The following GUCY1A2 variants were observed in gnomAD, a reference collection of about 807,000 sequenced individuals.
GUCY1A2 encodes guanylate cyclase soluble subunit alpha-2.
In GUCY1A2, 27 loss-of-function variants were observed where a neutral mutation model predicts 63.5. The ratio of observed to expected loss-of-function variants is 0.43; its 90% CI spans 0.31 to 0.59. The LOEUF is 0.59. GUCY1A2 is among the 20% of genes least tolerant of loss of function. The pLI, the probability that GUCY1A2 is intolerant of heterozygous loss-of-function variation, is 0.11. For synonymous variants in GUCY1A2, 364 were observed against 343.5 expected (o/e 1.06, Z -0.66); for missense variants, 768 against 913.3 (o/e 0.84, Z 2.05).
rs550219372 is a variant in GUCY1A2, at chr11:106,792,011, AG to A, written c.1693-15430del. Among the ~76,000 whole-genome samples the A allele has an allele frequency of 3.3e-5, 5 of 152,272 alleles. No individual in the cohort carries two copies. In the East Asian group the frequency reaches 9.7e-4, roughly 29 times the overall value. On this transcript the variant is annotated intron_variant, in intron 5 of 7. Coordinates refer to ENST00000526355, the MANE Select transcript of GUCY1A2 (RefSeq NM_000855.3). ...TACAATAAAAAAAGAAAAAAAACTT[AG>A]GGCCAGCATCCTTGATGAACACTGA...
At chr11:106,872,543 C>G (rs1859694112) in intron 4 of GUCY1A2, among the ~76,000 whole-genome samples, 1 of 152,040 alleles carries the variant, frequency 6.6e-6, no homozygotes. Context: ...GAGGGATAGT[C>G]ATATAAAAGA....
At chr11:106,963,419 T>C (rs1380621004) in intron 3 of GUCY1A2, among the ~76,000 whole-genome samples, 1 of 152,224 alleles carries the variant, frequency 6.6e-6, no homozygotes, top group Non-Finnish European at 1.5e-5. Context: ...ATTTTTACTT[T>C]TATTCTTTGA....
intron 4 of GUCY1A2, among the ~76,000 whole-genome samples, chr11:106,913,749 C>T (rs1860327799): frequency 1.3e-5 from 2 of 152,034 alleles, no homozygotes; most frequent in South Asian, 4.1e-4. Context: ...TGACTTGCTT[C>T]ATCTCAACAT....
chr11:106,757,266 T>G (rs11211898), intron 6 of GUCY1A2, among the ~76,000 whole-genome samples: 22,609 of 152,110 alleles, frequency 0.15, 3,188 homozygotes, highest in African/African-American at 0.37. Context: ...TTTCCAAGGC[T>G]TTTTAGCTTC....
At chr11:106,950,265 G>A (rs1406116279) in intron 3 of GUCY1A2, among the ~76,000 whole-genome samples, 2 of 152,116 alleles carry the variant, frequency 1.3e-5, no homozygotes, top group African/African-American at 4.8e-5. Context: ...GGTGACAAAG[G>A]GCTCATCACA....
chr11:106,790,827 A>G (rs911536801), intron 5 of GUCY1A2, among the ~76,000 whole-genome samples: 12 of 152,130 alleles, frequency 7.9e-5, no homozygotes, highest in Admixed American at 6.5e-5. Context: ...CTGGTGCCCT[A>G]TCCTACTGTG....
chr11:106,967,100 G>A (rs1050509669), intron 3 of GUCY1A2, among the ~76,000 whole-genome samples: 16 of 152,150 alleles, frequency 1.1e-4, no homozygotes, highest in African/African-American at 1.4e-4. Context: ...TTCAGTCAAC[G>A]TTTTCCTGGG....
intron 4 of GUCY1A2, chr11:106,824,787 T>A: frequency 6.4e-7 from 1 of 1,561,864 alleles, no homozygotes; most frequent in Non-Finnish European, 8.6e-7. Flanking sequence ...CTTGCTTTGT[T>A]ATTTTTTTTT....
intron 6 of GUCY1A2, among the ~76,000 whole-genome samples, chr11:106,763,047 A>C (rs563192109): frequency 1.3e-5 from 2 of 152,220 alleles, no homozygotes; most frequent in African/African-American, 4.8e-5. Context: ...AACTTTAAAG[A>C]AGGAAAGAAA....
At chr11:106,734,664 G>GAGTTA (rs1863559027) in intron 6 of GUCY1A2, among the ~76,000 whole-genome samples, 1 of 152,068 alleles carries the variant, frequency 6.6e-6, no homozygotes, top group Non-Finnish European at 1.5e-5. Context: ...TATTGCCAAA[G>GAGTTA]TTCCTCATTT....
intron 3 of GUCY1A2, among the ~76,000 whole-genome samples, chr11:106,970,440 A>T (rs1861179118): frequency 6.6e-6 from 1 of 152,210 alleles, no homozygotes; most frequent in Non-Finnish European, 1.5e-5. Context: ...ATTTAGAATG[A>T]CAAAACCAGA....
At chr11:106,707,726 A>T in intron 7 of GUCY1A2, among the ~76,000 whole-genome samples, 1 of 152,100 alleles carries the variant, frequency 6.6e-6, no homozygotes, top group East Asian at 1.9e-4. Context: ...CTGCCCATAT[A>T]CAGGGCTTAA....
chr11:106,913,204 C>A (rs1860319675), intron 4 of GUCY1A2, among the ~76,000 whole-genome samples: 1 of 152,024 alleles, frequency 6.6e-6, no homozygotes, highest in Non-Finnish European at 1.5e-5. Flanking sequence ...AACACATTGT[C>A]TTAGTTCGCT....
chr11:106,708,486 G>C (rs1862957005), intron 7 of GUCY1A2, 26 bp downstream of exon 7: 1 of 1,589,390 alleles, frequency 6.3e-7, no homozygotes, highest in East Asian at 2.3e-5. Flanking sequence ...GCCAAGACAG[G>C]AAGGAGGAGG....
intron 5 of GUCY1A2, among the ~76,000 whole-genome samples, chr11:106,809,654 T>C (rs1404934207): frequency 6.6e-6 from 1 of 152,172 alleles, no homozygotes; most frequent in African/African-American, 2.4e-5. Context: ...TTAGTTTATA[T>C]TGGAACCCCA....
At chr11:106,869,258 G>A (rs1441577622) in intron 4 of GUCY1A2, among the ~76,000 whole-genome samples, 1 of 152,130 alleles carries the variant, frequency 6.6e-6, no homozygotes, top group Non-Finnish European at 1.5e-5. Flanking sequence ...ATTGACAAAT[G>A]GGATCTAATT....
At chr11:106,773,859 T>G (rs1025410048) in intron 6 of GUCY1A2, among the ~76,000 whole-genome samples, 1 of 152,236 alleles carries the variant, frequency 6.6e-6, no homozygotes, top group Non-Finnish European at 1.5e-5. Context: ...CAGGAAGGTT[T>G]TAATTTTAAT....
chr11:106,810,353 A>G lies in GUCY1A2; in HGVS notation c.1332T>C (p.Pro444=), dbSNP rs756905505. The change falls in exon 5 of 8, where the codon CCT becomes CCC. Residue 444 remains proline (P), a synonymous_variant. Coordinates refer to ENST00000526355, the MANE Select transcript of GUCY1A2 (RefSeq NM_000855.3). ...MGRGLHLSDI[P]IHDATRDVIL... is the part of the protein sequence containing the mutation. ...TGACATCTCGGGTGGCATCATGGATAGGGATGTCTGAGAGATGTAGCCCTC... is the reference window on the plus strand; with the variant it reads ...TGACATCTCGGGTGGCATCATGGATGGGGATGTCTGAGAGATGTAGCCCTC... 2 of 1,613,926 alleles carry G rather than the reference A, an allele frequency of 1.2e-6. No homozygotes were observed. Among genetic ancestry groups the G allele is most frequent in the East Asian group, 2.2e-5 (1 of 44,868 alleles).
At chr11:106,840,054 C>T (rs1251320522) in intron 4 of GUCY1A2, among the ~76,000 whole-genome samples, 1 of 151,822 alleles carries the variant, frequency 6.6e-6, no homozygotes, top group Non-Finnish European at 1.5e-5. Context: ...TTAACATGAG[C>T]CACTGAATCC....
Sources: allele counts gnomAD v4.1 joint callset (sites outside exome capture counted in the v4.1 genomes callset), GRCh38; gene constraint gnomAD v4.1.1; transcripts MANE v1.5; gene names NCBI Gene and HGNC (gene_info 2026-07-23, HGNC 2026-07-21).